Variants in RAP1GDS1 observed in about 807,000 individuals in gnomAD.
RAP1GDS1 encodes Rap1 GTPase-GDP dissociation stimulator 1, also known as RAP1, GTP-GDP dissociation stimulator 1.
Under a neutral mutation model 71.1 loss-of-function variants are expected in RAP1GDS1, and 35 were observed. The observed-to-expected ratio is 0.49, with a 90% CI of 0.38 to 0.65. The LOEUF (loss-of-function observed/expected upper bound fraction) is 0.65, where lower values mean the gene tolerates loss of function less well. Ranked by LOEUF, RAP1GDS1 falls within the 30% of genes least tolerant of loss-of-function variation. The pLI is 0.00. For missense variants in RAP1GDS1, 663 were observed against 706.1 expected, an observed-to-expected ratio of 0.94 and a Z score of 0.69; for synonymous variants, 229 against 243.1, an observed-to-expected ratio of 0.94 and a Z score of 0.54.
At chr4:98,308,332 T>TATATATATATATGC (rs56135677) in intron 2 of RAP1GDS1, among the ~76,000 whole-genome samples, 2 of 137,118 alleles carry the variant, frequency 1.5e-5, no homozygotes, top group Non-Finnish European at 3.1e-5. Context: ...TATATATATA[T>TATATATATATATGC]GCGCCAGGCA....
chr4:98,326,508 G>T (rs1733113523), intron 2 of RAP1GDS1, among the ~76,000 whole-genome samples: 1 of 151,916 alleles, frequency 6.6e-6, no homozygotes, highest in Non-Finnish European at 1.5e-5. Context: ...AAAACATTTT[G>T]GCTTTATTTA....
At chr4:98,294,421 C>T (rs555081468) in intron 2 of RAP1GDS1, among the ~76,000 whole-genome samples, 2 of 151,818 alleles carry the variant, frequency 1.3e-5, no homozygotes, top group Non-Finnish European at 2.9e-5. Context: ...TACTTTTCAT[C>T]AAAAAAGCAC....
At position 98,345,159 on chromosome 4, in the gene RAP1GDS1, C is replaced by T. The variant is rs537760309; in HGVS notation, c.235+1898C>T. Among the ~76,000 whole-genome samples the T allele has an allele frequency of 7.9e-4, 120 of 152,160 alleles. 1 individual carries two copies. The highest frequency in any genetic ancestry group is 1.2e-3 in the Admixed American group (19 of 15,270). ...TTGAGTGTTCTTTTCAAAAGAAATACGTAACTTCAGAAATGCAACCTGACA... is the reference window on the plus strand; with the variant it reads ...TTGAGTGTTCTTTTCAAAAGAAATATGTAACTTCAGAAATGCAACCTGACA... On this transcript the variant is annotated intron_variant, in intron 3 of 14. Coordinates refer to ENST00000408927, the MANE Select transcript of RAP1GDS1 (RefSeq NM_001100427.2).
At chr4:98,347,709 G>T (rs1736506530) in intron 3 of RAP1GDS1, among the ~76,000 whole-genome samples, 1 of 152,058 alleles carries the variant, frequency 6.6e-6, no homozygotes, top group Non-Finnish European at 1.5e-5. Context: ...AAAATTTTCA[G>T]TTCTCCGAGT....
At chr4:98,434,702 C>T (rs988591986) in intron 13 of RAP1GDS1, among the ~76,000 whole-genome samples, 2 of 150,418 alleles carry the variant, frequency 1.3e-5, no homozygotes, top group African/African-American at 4.9e-5. Flanking sequence ...CTCACTGCAA[C>T]GTCCGCGTCC....
chr4:98,341,941 A>G (rs1735561248), intron 2 of RAP1GDS1, among the ~76,000 whole-genome samples: 1 of 152,170 alleles, frequency 6.6e-6, no homozygotes, highest in Non-Finnish European at 1.5e-5. Context: ...CATATACATA[A>G]TTCAAACCAA....
At chr4:98,435,192 G>C (rs181163106) in intron 13 of RAP1GDS1, among the ~76,000 whole-genome samples, 1 of 150,988 alleles carries the variant, frequency 6.6e-6, no homozygotes, top group African/African-American at 2.4e-5. Context: ...TGACAACTTA[G>C]ATCCATAATT....
At chr4:98,285,876 A>G (rs979484241) in intron 1 of RAP1GDS1, among the ~76,000 whole-genome samples, 2 of 142,236 alleles carry the variant, frequency 1.4e-5, no homozygotes, top group Non-Finnish European at 3.0e-5. Context: ...TTAAATTATA[A>G]ATAATAAATA....
At chr4:98,431,480 A>G (rs1351089821) in intron 12 of RAP1GDS1, among the ~76,000 whole-genome samples, 7 of 152,246 alleles carry the variant, frequency 4.6e-5, no homozygotes, top group Non-Finnish European at 8.8e-5. Context: ...TTGGTTTTAT[A>G]TATACCAAAA....
chr4:98,281,210 C>G lies in RAP1GDS1; in HGVS notation c.5-12198C>G, dbSNP rs143353097. Among the ~76,000 whole-genome samples, 991 of 152,208 alleles carry G rather than the reference C, an allele frequency of 6.5e-3. 11 individuals are homozygous for G. Among genetic ancestry groups the G allele is most frequent in the African/African-American group, 0.023 (949 of 41,524 alleles). On this transcript the variant is annotated intron_variant, in intron 1 of 14. Transcript: ENST00000408927. ...CTATAAATTACTTTGGGCAGTATGGCCATTTTCATGATATTGATTTGTCCT... is the reference window on the plus strand; with the variant it reads ...CTATAAATTACTTTGGGCAGTATGGGCATTTTCATGATATTGATTTGTCCT...
intron 2 of RAP1GDS1, among the ~76,000 whole-genome samples, chr4:98,316,149 A>G (rs1440341686): frequency 6.6e-6 from 1 of 152,176 alleles, no homozygotes; most frequent in Non-Finnish European, 1.5e-5. Flanking sequence ...GGTGAGATAA[A>G]TAGATAGGGT....
chr4:98,388,649 C>G (rs547779011), intron 5 of RAP1GDS1, among the ~76,000 whole-genome samples: 2 of 152,294 alleles, frequency 1.3e-5, no homozygotes, highest in Non-Finnish European at 2.9e-5. Flanking sequence ...GTGCTTGACC[C>G]TGGGAGGCGG....
intron 4 of RAP1GDS1, among the ~76,000 whole-genome samples, chr4:98,359,763 A>C (rs1474382831): frequency 1.3e-5 from 2 of 152,174 alleles, no homozygotes; most frequent in African/African-American, 4.8e-5. Flanking sequence ...TGATATTTTC[A>C]GTTTTGTAGC....
intron 2 of RAP1GDS1, among the ~76,000 whole-genome samples, chr4:98,305,710 C>T (rs932632763): frequency 5.9e-5 from 9 of 152,114 alleles, no homozygotes; most frequent in African/African-American, 2.2e-4. Flanking sequence ...CAAAAAAGGA[C>T]TCTCATGTTG....
intron 3 of RAP1GDS1, among the ~76,000 whole-genome samples, chr4:98,345,351 A>G (rs1262281971): frequency 1.3e-5 from 2 of 152,318 alleles, no homozygotes; most frequent in African/African-American, 2.4e-5. Flanking sequence ...TAAACCCCAA[A>G]TAGGTTTTTG....
At chr4:98,299,958 A>C (rs1203840145) in intron 2 of RAP1GDS1, among the ~76,000 whole-genome samples, 1 of 152,164 alleles carries the variant, frequency 6.6e-6, no homozygotes, top group Non-Finnish European at 1.5e-5. Flanking sequence ...CTCCTGGTGA[A>C]GATGCTGTGA....
intron 2 of RAP1GDS1, among the ~76,000 whole-genome samples, chr4:98,333,350 G>A (rs1734266131): frequency 6.6e-6 from 1 of 151,864 alleles, no homozygotes; most frequent in Non-Finnish European, 1.5e-5. Context: ...TGAAAACATA[G>A]GAAGCAAGAA....
At chr4:98,266,972 A>G (rs1722788213) in intron 1 of RAP1GDS1, among the ~76,000 whole-genome samples, 1 of 152,188 alleles carries the variant, frequency 6.6e-6, no homozygotes, top group Non-Finnish European at 1.5e-5. Context: ...AATTACCTAA[A>G]TTTTAATATC....
chr4:98,424,635 C>A (rs1334517632), intron 12 of RAP1GDS1, among the ~76,000 whole-genome samples: 3 of 152,074 alleles, frequency 2.0e-5, no homozygotes, highest in Non-Finnish European at 1.5e-5. Flanking sequence ...GTGGCGTGCG[C>A]CTGTAATCCC....
Sources: allele counts gnomAD v4.1 joint callset (sites outside exome capture counted in the v4.1 genomes callset), GRCh38; gene constraint gnomAD v4.1.1; transcripts MANE v1.5; gene names NCBI Gene and HGNC (gene_info 2026-07-23, HGNC 2026-07-21).